DIP2C: variants seen among roughly 807,000 people sequenced by gnomAD.
DIP2C encodes disco-interacting protein 2 homolog C.
A neutral mutation model predicts 192.4 loss-of-function variants in DIP2C; 33 were observed. The observed-to-expected ratio is 0.17, with a 90% CI of 0.13 to 0.23. DIP2C has a LOEUF of 0.23. Ranked by LOEUF, DIP2C falls within the 10% of genes least tolerant of loss-of-function variation. The pLI is 1.00. For missense variants in DIP2C, 1,537 were observed against 2,110.1 expected, an observed-to-expected ratio of 0.73 and a Z score of 5.32; for synonymous variants, 979 against 864.1, an observed-to-expected ratio of 1.13 and a Z score of -2.33.
chr10:342,165 T>G (rs4881146), intron 28 of DIP2C, among the ~76,000 whole-genome samples: 1 of 149,934 alleles, frequency 6.7e-6, no homozygotes. Context: ...CTCTCTCTCT[T>G]TTTTTTTTTT....
chr10:542,678 T>TGG (rs1367936766), intron 1 of DIP2C, among the ~76,000 whole-genome samples: 1 of 152,178 alleles, frequency 6.6e-6, no homozygotes, highest in Admixed American at 6.5e-5. Flanking sequence ...GATTGGGAAG[T>TGG]GGGGGGTTCT....
intron 24 of DIP2C, among the ~76,000 whole-genome samples, chr10:349,981 T>C (rs2132636964): frequency 6.6e-6 from 1 of 152,260 alleles, no homozygotes; most frequent in East Asian, 1.9e-4. Flanking sequence ...ACATAGACTT[T>C]AATGTACAAA....
At chr10:603,803 G>T (rs1293707874) in intron 1 of DIP2C, among the ~76,000 whole-genome samples, 1 of 152,180 alleles carries the variant, frequency 6.6e-6, no homozygotes, top group Non-Finnish European at 1.5e-5. Flanking sequence ...AGGAGTCCCA[G>T]GGCTGAAGTC....
chr10:644,189 G>A (rs1187187526), intron 1 of DIP2C, among the ~76,000 whole-genome samples: 5 of 152,238 alleles, frequency 3.3e-5, no homozygotes, highest in Non-Finnish European at 7.3e-5. Flanking sequence ...CCCCTCAGGA[G>A]AACAGAGAAT....
chr10:583,899 C>T (rs1185937368), intron 1 of DIP2C, among the ~76,000 whole-genome samples: 4 of 152,210 alleles, frequency 2.6e-5, no homozygotes, highest in African/African-American at 9.7e-5. Flanking sequence ...GAACCAAGCA[C>T]GTGCCTAGAG....
At chr10:365,653 A>G (rs529467442) in intron 19 of DIP2C, among the ~76,000 whole-genome samples, 5 of 152,364 alleles carry the variant, frequency 3.3e-5, no homozygotes, top group South Asian at 2.1e-4. Flanking sequence ...TGGTAAAAAG[A>G]TAAGAGTTCT....
intron 4 of DIP2C, among the ~76,000 whole-genome samples, chr10:426,937 TA>T (rs1966632412): frequency 6.6e-6 from 1 of 151,478 alleles, no homozygotes; most frequent in South Asian, 2.1e-4. Flanking sequence ...GAAAGAACAG[TA>T]AGACTATGAG....
chr10:425,054 AAT>A (rs1287859436), intron 4 of DIP2C, among the ~76,000 whole-genome samples: 161 of 113,894 alleles, frequency 1.4e-3, no homozygotes, highest in East Asian at 3.9e-3. Context: ...AGCGGTGACT[AAT>A]ATGACACGGA....
At chr10:470,720 G>C (rs569147163) in intron 3 of DIP2C, among the ~76,000 whole-genome samples, 1 of 152,178 alleles carries the variant, frequency 6.6e-6, no homozygotes, top group African/African-American at 2.4e-5. Flanking sequence ...GACTGACGCG[G>C]ATCTCCTGTG....
In DIP2C at chr10:689,479, C is replaced by T. The variant is rs780657237; in HGVS notation, c.85+15G>A. On this transcript the variant is annotated intron_variant, in intron 1 of 36. Transcript: ENST00000280886. This position sits in a 1 kb window ranked among gnomAD's most constrained non-coding sequence, Gnocchi z 6.1. ...GGTGACAGCGCGGCCCGGCCCGGGG[C>T]GGGGGCCCGGTTACCTTCCGACAGC... The T allele has an allele frequency of 1.4e-5, 17 of 1,194,316 alleles. No individual in the cohort carries two copies. In the East Asian group the frequency reaches 8.1e-4, roughly 57 times the overall value. 74.0% of individuals were successfully genotyped at this position (1,194,316 alleles called of 1,614,324 possible). A position where few individuals can be genotyped will look rare whatever the true frequency, so the allele number is the denominator to read the frequency against.
At chr10:579,340 G>A (rs1006574694) in intron 1 of DIP2C, among the ~76,000 whole-genome samples, 2 of 151,878 alleles carry the variant, frequency 1.3e-5, no homozygotes, top group Admixed American at 6.6e-5. Context: ...CATGCATAGT[G>A]TACACACACC....
At chr10:311,304 G>C (rs1956555268) in intron 31 of DIP2C, among the ~76,000 whole-genome samples, 1 of 152,232 alleles carries the variant, frequency 6.6e-6, no homozygotes, top group South Asian at 2.1e-4. Context: ...GTACAACAGA[G>C]ATGAACCAAA....
intron 1 of DIP2C, among the ~76,000 whole-genome samples, chr10:500,514 A>G (rs1302118777): frequency 1.3e-5 from 2 of 152,250 alleles, no homozygotes; most frequent in African/African-American, 4.8e-5. Context: ...AATTATCCTG[A>G]ACTTTATTTC....
chr10:646,727 G>A (rs1564299822), intron 1 of DIP2C, among the ~76,000 whole-genome samples: 1 of 152,138 alleles, frequency 6.6e-6, no homozygotes, highest in African/African-American at 2.4e-5. Flanking sequence ...GAATTTTATA[G>A]GACTGTAGTA....
intron 1 of DIP2C, among the ~76,000 whole-genome samples, chr10:576,237 A>T (rs1850147457): frequency 6.6e-6 from 1 of 152,244 alleles, no homozygotes; most frequent in Non-Finnish European, 1.5e-5. Flanking sequence ...CTGCAGAAGG[A>T]AGGGAGCTGT....
At chr10:553,136 G>A (rs1028372251) in intron 1 of DIP2C, among the ~76,000 whole-genome samples, 1 of 152,226 alleles carries the variant, frequency 6.6e-6, no homozygotes, top group East Asian at 1.9e-4. Context: ...TCCCTAAGAA[G>A]AGCCAGGCCA....
At chr10:681,242 C>A (rs1831120714) in intron 1 of DIP2C, among the ~76,000 whole-genome samples, 1 of 149,486 alleles carries the variant, frequency 6.7e-6, no homozygotes, top group South Asian at 2.1e-4. Context: ...TTGGGAAACA[C>A]AGACCGCAGT....
intron 1 of DIP2C, among the ~76,000 whole-genome samples, chr10:591,684 G>A (rs769136188): frequency 1.3e-5 from 2 of 152,156 alleles, no homozygotes; most frequent in African/African-American, 2.4e-5. Context: ...TAGACACAAG[G>A]ACGAAGCCAC....
At chr10:545,779 T>A (rs1450604314) in intron 1 of DIP2C, among the ~76,000 whole-genome samples, 3 of 152,210 alleles carry the variant, frequency 2.0e-5, no homozygotes, top group Non-Finnish European at 4.4e-5. Flanking sequence ...GTGCAGTCCA[T>A]CCTTTTCCAT....
Sources: allele counts gnomAD v4.1 joint callset (sites outside exome capture counted in the v4.1 genomes callset), GRCh38; gene constraint gnomAD v4.1.1; non-coding constraint Gnocchi (gnomAD v3.1); transcripts MANE v1.5; gene names NCBI Gene and HGNC (gene_info 2026-07-23, HGNC 2026-07-21).